Variants in BARD1 observed in about 807,000 individuals in gnomAD.
The protein encoded by BARD1 is BRCA1 associated RING domain 1.
Under a neutral mutation model 77.0 loss-of-function variants are expected in BARD1, and 73 were observed. The observed-to-expected ratio is 0.95, with a 90% CI of 0.79 to 1.15. The LOEUF (loss-of-function observed/expected upper bound fraction) is 1.15. Among genes scored for constraint, BARD1 ranks in the 50% most tolerant of loss-of-function variants. The pLI, the probability that BARD1 is intolerant of heterozygous loss-of-function variation, is 0.00. For missense variants in BARD1, 993 were observed against 938.8 expected (o/e 1.06, Z -0.75); for synonymous variants, 384 against 338.0 (o/e 1.14, Z -1.49).
In BARD1 at chr2:214,788,862, T is replaced by C. The variant is rs869312498; in HGVS notation, c.364+3435A>G. On this transcript the variant is annotated intron_variant, in intron 3 of 10. Transcript: ENST00000260947. ...TTTAGTTCTAGAAGTACTTACTAGA[T>C]AATCAATTACCACAAAGGTACTGCG... 6.6e-5 allele frequency among the ~76,000 whole-genome samples: 10 copies of C among 152,104 alleles called. No homozygotes were observed. Among genetic ancestry groups the C allele is most frequent in the Non-Finnish European group, 1.5e-4 (10 of 67,994 alleles).
intron 9 of BARD1, among the ~76,000 whole-genome samples, chr2:214,739,784 T>C (rs1454087480): frequency 2.0e-5 from 3 of 152,152 alleles, no homozygotes; most frequent in Non-Finnish European, 4.4e-5. Flanking sequence ...AAATATCATT[T>C]AGCAATTATT....
Position 214,767,331 on chromosome 2 carries a change from T to G in BARD1, c.1568+151A>C. 3.9e-6 allele frequency: 3 copies of G among 764,016 alleles called. No homozygotes were observed. The South Asian group carries it at 5.0e-5, about 13-fold the overall frequency. The allele number at this position is 764,016 out of a possible 1,614,324, so 47.3% of individuals were successfully genotyped here. On this transcript the variant is annotated intron_variant, in intron 6 of 10. Coordinates refer to ENST00000260947, the MANE Select transcript of BARD1 (RefSeq NM_000465.4). ...TCATAAAAAGGGCATGAAGGCTGAT[T>G]ATGAGTGCAGAATGTGATGATCACA...
intron 9 of BARD1, among the ~76,000 whole-genome samples, chr2:214,744,462 T>G (rs1212079173): frequency 6.6e-6 from 1 of 152,240 alleles, no homozygotes; most frequent in Non-Finnish European, 1.5e-5. Flanking sequence ...AAATTCAATA[T>G]ATCATTTAAC....
intron 1 of BARD1, among the ~76,000 whole-genome samples, chr2:214,805,614 G>T (rs1696232809): frequency 6.6e-6 from 1 of 152,216 alleles, no homozygotes; most frequent in African/African-American, 2.4e-5. Context: ...AGAAAAGGAA[G>T]CATAAAAAGA....
chr2:214,754,372 T>C (rs1031189788), intron 6 of BARD1, among the ~76,000 whole-genome samples: 1 of 151,128 alleles, frequency 6.6e-6, no homozygotes, highest in Non-Finnish European at 1.5e-5. Flanking sequence ...AAAAAATCCA[T>C]GCATACACTA....
rs59814038 is a variant in BARD1, at chr2:214,771,943, A to AAAAAAAAAAAAAAG, written c.1315-2632_1315-2631insCTTTTTTTTTTTTT. Among the ~76,000 whole-genome samples, 646 of 143,238 alleles carry AAAAAAAAAAAAAAG rather than the reference A, an allele frequency of 4.5e-3. 8 individuals carry two copies. The highest frequency in any genetic ancestry group is 0.013 in the African/African-American group (488 of 36,718). 94.0% of individuals were successfully genotyped at this position (143,238 alleles called of 152,430 possible). On this transcript the variant is annotated intron_variant, in intron 4 of 10. Coordinates refer to ENST00000260947, the MANE Select transcript of BARD1 (RefSeq NM_000465.4). ...TTTCAGGAAAAAAAAAAAAAAAAAA[A>AAAAAAAAAAAAAAG]GCAACATTTTCCCAGATTTCTTAAC...
chr2:214,753,870 C>G (rs1693572865), intron 6 of BARD1, among the ~76,000 whole-genome samples: 1 of 152,158 alleles, frequency 6.6e-6, no homozygotes, highest in African/African-American at 2.4e-5. Flanking sequence ...TAAACACTGA[C>G]AAGTTTGTAT....
chr2:214,775,140 C>T (rs1053310266), intron 4 of BARD1, among the ~76,000 whole-genome samples: 1 of 152,282 alleles, frequency 6.6e-6, no homozygotes, highest in South Asian at 2.1e-4. Flanking sequence ...TTTTAAATTA[C>T]TTAAAGAATT....
rs753377280 is a variant in BARD1 at position 214,781,417 on chromosome 2, T to C, written c.457A>G (p.Lys153Glu). Residue 153 changes from lysine to glutamate, a missense_variant, in exon 4 of 11, where the codon AAA (lysine) becomes GAA (glutamate). Lys to Glu is a moderately conservative substitution (Grantham distance 56). Coordinates refer to ENST00000260947, the MANE Select transcript of BARD1 (RefSeq NM_000465.4). ...GCTTTACTCACAACATATCTGACTT[T>C]CTTACTTCGAGGGCTAAACCACATT... ...IKMWFSPRSK[K>E]VRYVVSKASV... is the part of the protein sequence containing the mutation. 1 of 1,613,666 alleles carries C rather than the reference T, an allele frequency of 6.2e-7. No individual in the cohort carries two copies. Among genetic ancestry groups the C allele is most frequent in the South Asian group, 1.1e-5 (1 of 91,030 alleles).
At chr2:214,735,552 G>A (rs75874218) in intron 9 of BARD1, among the ~76,000 whole-genome samples, 10,106 of 152,190 alleles carry the variant, frequency 0.066, 473 homozygotes, top group African/African-American at 0.13. Flanking sequence ...TTCCAATTCA[G>A]GGGAGGGAAC....
intron 9 of BARD1, among the ~76,000 whole-genome samples, chr2:214,742,037 A>G (rs1048091465): frequency 1.3e-5 from 2 of 152,182 alleles, no homozygotes; most frequent in African/African-American, 4.8e-5. Context: ...AATCCCATGA[A>G]AAGTTAATAT....
intron 4 of BARD1, among the ~76,000 whole-genome samples, chr2:214,778,089 G>A (rs1329095338): frequency 6.6e-6 from 1 of 152,004 alleles, no homozygotes; most frequent in Non-Finnish European, 1.5e-5. Context: ...CCAGCTACTC[G>A]GGAAGCTGAA....
chr2:214,789,298 AG>A (rs1307080910), intron 3 of BARD1, among the ~76,000 whole-genome samples: 1 of 151,958 alleles, frequency 6.6e-6, no homozygotes, highest in African/African-American at 2.4e-5. Context: ...TGGGAGGTCG[AG>A]GTGGGAGAAT....
chr2:214,738,485 T>C (rs78276554), intron 9 of BARD1, among the ~76,000 whole-genome samples: 4,449 of 152,222 alleles, frequency 0.029, 216 homozygotes, highest in African/African-American at 0.1. Flanking sequence ...AGAAGGTATT[T>C]TTTTATTCTA....
chr2:214,747,712 G>A lies in BARD1; in HGVS notation c.1678-1858C>T, dbSNP rs1306810837. ...CACACTCTGGGGACTGTTGTGGGGT[G>A]GGGGGAGGGGGGAGGGATAGCATTA... is the stretch of plus-strand genomic sequence containing the variant. On this transcript the variant is annotated intron_variant, in intron 7 of 10. Transcript: ENST00000260947. Among the ~76,000 whole-genome samples, 14 of 110,426 alleles carry A rather than the reference G, an allele frequency of 1.3e-4. No individual in the cohort carries two copies. The East Asian group carries it at 3.8e-3, about 30-fold the overall frequency. 72.4% of individuals were successfully genotyped at this position (110,426 alleles called of 152,430 possible). A position where few individuals can be genotyped will look rare whatever the true frequency, so the allele number is the denominator to read the frequency against.
intron 3 of BARD1, among the ~76,000 whole-genome samples, chr2:214,790,045 G>T (rs1254019055): frequency 1.3e-5 from 2 of 152,016 alleles, no homozygotes; most frequent in Non-Finnish European, 2.9e-5. Flanking sequence ...TATCTTTAAT[G>T]ATGAAATATG....
intron 1 of BARD1, among the ~76,000 whole-genome samples, chr2:214,800,949 G>A (rs1695988875): frequency 1.3e-5 from 2 of 151,666 alleles, no homozygotes; most frequent in South Asian, 2.1e-4. Flanking sequence ...AGAATAGTTA[G>A]GAAGTTAATA....
intron 6 of BARD1, among the ~76,000 whole-genome samples, chr2:214,761,675 A>G (rs1411432098): frequency 6.6e-6 from 1 of 152,146 alleles, no homozygotes; most frequent in Non-Finnish European, 1.5e-5. Flanking sequence ...TCTCTGCAGA[A>G]GCTGAAAATC....
chr2:214,767,476 A>T lies in BARD1; in HGVS notation c.1568+6T>A, dbSNP rs1553619192. ...TTAAAAATAATTTTTACGTTGAACT[A>T]CTTACACAGCATTTCTGGAGGCTCC... is the stretch of plus-strand genomic sequence containing the variant. On this transcript the variant is annotated splice_donor_region_variant and intron_variant, in intron 6 of 10. Transcript: ENST00000260947. The T allele has an allele frequency of 6.2e-7, 1 of 1,612,242 alleles. No individual in the cohort carries two copies. Among genetic ancestry groups the T allele is most frequent in the Middle Eastern group, 1.7e-4 (1 of 6,058 alleles).
Sources: allele counts gnomAD v4.1 joint callset (sites outside exome capture counted in the v4.1 genomes callset), GRCh38; gene constraint gnomAD v4.1.1; transcripts MANE v1.5; gene names NCBI Gene and HGNC (gene_info 2026-07-23, HGNC 2026-07-21).